Variants in DLGAP1 observed in about 807,000 individuals in gnomAD.
The protein encoded by DLGAP1 is DLG associated protein 1, also known as disks large-associated protein 1.
A neutral mutation model predicts 90.8 loss-of-function variants in DLGAP1; 11 were observed. The observed-to-expected ratio is 0.12, with a 90% confidence interval of 0.08 to 0.20. DLGAP1 has a LOEUF of 0.20. Among genes scored for constraint, DLGAP1 ranks in the 10% least tolerant of loss-of-function variants. The pLI, the probability that DLGAP1 is intolerant of heterozygous loss-of-function variation, is 1.00. For synonymous variants in DLGAP1, 558 were observed against 540.7 expected (o/e 1.03, Z -0.44); for missense variants, 1,050 against 1,333.8 (o/e 0.79, Z 3.31).
At chr18:3,848,319 G>A (rs544101602) in intron 4 of DLGAP1, among the ~76,000 whole-genome samples, 1 of 151,758 alleles carries the variant, frequency 6.6e-6, no homozygotes, top group African/African-American at 2.4e-5. Context: ...GGAGGAGAAG[G>A]ACAAATATCA....
intron 4 of DLGAP1, among the ~76,000 whole-genome samples, chr18:3,867,545 T>C (rs766468032): frequency 6.6e-6 from 1 of 151,952 alleles, no homozygotes. Flanking sequence ...GTAAGATCAG[T>C]GAACGAAGAA....
intron 1 of DLGAP1, among the ~76,000 whole-genome samples, chr18:4,413,618 C>A (rs898413200): frequency 6.6e-6 from 1 of 152,150 alleles, no homozygotes; most frequent in South Asian, 2.1e-4. Flanking sequence ...TAGTCAGAAA[C>A]CAAACACAAA....
chr18:4,403,930 C>CT (rs140448432), intron 1 of DLGAP1, among the ~76,000 whole-genome samples: 4,436 of 152,220 alleles, frequency 0.029, 95 homozygotes, highest in South Asian at 0.095. Flanking sequence ...TTCTGCAGCC[C>CT]TTTTTCCCAC....
At chr18:3,557,336 A>G (rs535789) in intron 9 of DLGAP1, among the ~76,000 whole-genome samples, 102,267 of 151,984 alleles carry the variant, frequency 0.67, 37,536 homozygotes, top group Non-Finnish European at 0.8. Context: ...CCTGGCCAAT[A>G]TGGTGAAACT....
chr18:3,575,694 C>CA (rs1043511937), intron 8 of DLGAP1, among the ~76,000 whole-genome samples: 10 of 151,776 alleles, frequency 6.6e-5, no homozygotes, highest in South Asian at 2.1e-4. Flanking sequence ...TATAAGAAAA[C>CA]AAAAAAAATT....
At chr18:3,504,447 C>G (rs1348438471) in intron 11 of DLGAP1, among the ~76,000 whole-genome samples, 1 of 152,102 alleles carries the variant, frequency 6.6e-6, no homozygotes, top group African/African-American at 2.4e-5. Context: ...TGCAATGGTA[C>G]AATCTCAGCT....
At chr18:3,676,497 G>A (rs921998236) in intron 7 of DLGAP1, among the ~76,000 whole-genome samples, 2 of 152,038 alleles carry the variant, frequency 1.3e-5, no homozygotes, top group South Asian at 4.2e-4. Context: ...TTTTCCTGCC[G>A]CGAGATGACA....
intron 1 of DLGAP1, among the ~76,000 whole-genome samples, chr18:4,253,086 C>T (rs2078817573): frequency 6.6e-6 from 1 of 152,184 alleles, no homozygotes; most frequent in Non-Finnish European, 1.5e-5. Flanking sequence ...TGTATATCAG[C>T]ATACTCACCA....
At chr18:4,292,690 T>G (rs12968393) in intron 1 of DLGAP1, among the ~76,000 whole-genome samples, 1 of 151,946 alleles carries the variant, frequency 6.6e-6, no homozygotes, top group African/African-American at 2.4e-5. Flanking sequence ...TACATACACA[T>G]ACAAACTAAA....
At chr18:4,050,709 G>A (rs1167093907) in intron 2 of DLGAP1, among the ~76,000 whole-genome samples, 1 of 152,168 alleles carries the variant, frequency 6.6e-6, no homozygotes, top group East Asian at 1.9e-4. Flanking sequence ...ATAACACACA[G>A]AACTCTAAAG....
chr18:3,955,070 C>T (rs1010368113), intron 3 of DLGAP1, among the ~76,000 whole-genome samples: 2 of 151,864 alleles, frequency 1.3e-5, no homozygotes, highest in East Asian at 1.9e-4. Context: ...CTCCAGGCTG[C>T]GGGGGGGAAG....
At chr18:3,690,629 A>C (rs953949117) in intron 7 of DLGAP1, among the ~76,000 whole-genome samples, 3 of 152,214 alleles carry the variant, frequency 2.0e-5, no homozygotes, top group Admixed American at 2.0e-4. Flanking sequence ...TTTAGAGAAG[A>C]GAGTAATTTT....
chr18:4,025,400 A>G (rs1321267553), intron 2 of DLGAP1, among the ~76,000 whole-genome samples: 1 of 152,160 alleles, frequency 6.6e-6, no homozygotes, highest in Non-Finnish European at 1.5e-5. Context: ...CTGATCTGGT[A>G]AGTGGAATGC....
intron 1 of DLGAP1, among the ~76,000 whole-genome samples, chr18:4,161,319 C>T (rs1318863554): frequency 6.6e-6 from 1 of 152,122 alleles, no homozygotes; most frequent in African/African-American, 2.4e-5. Context: ...GTTCAACTCC[C>T]ACTTATGAAT....
chr18:4,128,115 C>T (rs963039381), intron 2 of DLGAP1, among the ~76,000 whole-genome samples: 1 of 152,084 alleles, frequency 6.6e-6, no homozygotes. Flanking sequence ...ATGGTTGGTC[C>T]TTCATATCTG....
At chr18:4,304,466 A>T (rs140245995) in intron 1 of DLGAP1, among the ~76,000 whole-genome samples, 33 of 152,352 alleles carry the variant, frequency 2.2e-4, no homozygotes, top group African/African-American at 7.0e-4. Context: ...ATTCAATTCC[A>T]CTTGAAAAAC....
intron 2 of DLGAP1, among the ~76,000 whole-genome samples, chr18:4,150,760 C>T (rs1433425178): frequency 6.6e-6 from 1 of 152,216 alleles, no homozygotes; most frequent in Non-Finnish European, 1.5e-5. Flanking sequence ...AGCACACTTA[C>T]ATCATGTTGA....
At position 4,225,609 on chromosome 18, in the gene DLGAP1, AAATT is replaced by A. The variant is rs60608698; in HGVS notation, c.-266-74326_-266-74323del. On this transcript the variant is annotated intron_variant, in intron 1 of 12. Coordinates refer to ENST00000315677, the MANE Select transcript of DLGAP1 (RefSeq NM_004746.4). ...TCAGATAAATTTAACAAAAATACTT[AAATT>A]ATTAAAAGAAATCAAGCAGAAAAAA... Among the ~76,000 whole-genome samples, 1,033 of 152,176 alleles carry A rather than the reference AAATT, an allele frequency of 6.8e-3. 9 individuals are homozygous for A. The highest frequency in any genetic ancestry group is 0.023 in the African/African-American group (947 of 41,524).
At chr18:3,816,159 A>G (rs1468211235) in intron 4 of DLGAP1, among the ~76,000 whole-genome samples, 1 of 152,202 alleles carries the variant, frequency 6.6e-6, no homozygotes, top group East Asian at 1.9e-4. Context: ...TGTTTTTCTC[A>G]GGTGAGAAGC....
Sources: allele counts gnomAD v4.1 joint callset (sites outside exome capture counted in the v4.1 genomes callset), GRCh38; gene constraint gnomAD v4.1.1; transcripts MANE v1.5; gene names NCBI Gene and HGNC (gene_info 2026-07-23, HGNC 2026-07-21).